CDH23: variants seen among roughly 807,000 people sequenced by gnomAD.
CDH23 encodes cadherin-23.
Under a neutral mutation model 317.1 loss-of-function variants are expected in CDH23, and 189 were observed. The observed-to-expected ratio is 0.60, with a 90% confidence interval of 0.53 to 0.67. The LOEUF (loss-of-function observed/expected upper bound fraction) is 0.67, where lower values mean the gene tolerates loss of function less well. CDH23 is among the 30% of genes least tolerant of loss of function. The probability of loss-of-function intolerance (pLI) is 0.00; values close to 1 mark genes in which losing one functional copy is unlikely to be tolerated. For missense variants in CDH23, 4,401 were observed against 4,592.4 expected (o/e 0.96, Z 1.20); for synonymous variants, 1,839 against 1,876.8 (o/e 0.98, Z 0.52).
At chr10:71,521,748 C>G (rs1019027905) in intron 6 of CDH23, among the ~76,000 whole-genome samples, 2 of 152,234 alleles carry the variant, frequency 1.3e-5, no homozygotes, top group African/African-American at 4.8e-5. Flanking sequence ...AGGGCCGGCC[C>G]CGGCTCTTCA....
intron 6 of CDH23, among the ~76,000 whole-genome samples, chr10:71,543,631 C>T (rs962659751): frequency 1.4e-4 from 21 of 152,356 alleles, no homozygotes; most frequent in Admixed American, 1.1e-3. Context: ...CCTCATGCTT[C>T]TCCTAGCCAC....
chr10:71,625,395 T>A (rs1028219660), intron 11 of CDH23, among the ~76,000 whole-genome samples: 3 of 21,002 alleles, frequency 1.4e-4, no homozygotes, highest in Admixed American at 4.6e-4. Context: ...ACCAAATAAA[T>A]TAAAAAAAAA....
In CDH23 at chr10:71,409,008, T is replaced by G. The variant is rs570043033; in HGVS notation, c.-6+11690T>G. Among the ~76,000 whole-genome samples, 108 of 152,324 alleles carry G rather than the reference T, an allele frequency of 7.1e-4. 2 individuals are homozygous for G. The highest frequency in any genetic ancestry group is 2.4e-3 in the African/African-American group (101 of 41,580). ...GCTGATGTAAGGGTGGGCTTTCTCT[T>G]GCACCCTGCCCCTTGGCCTGATCAC... On this transcript the variant is annotated intron_variant, in intron 1 of 69. Transcript: ENST00000224721.
At chr10:71,460,580 G>A (rs2132059291) in intron 3 of CDH23, among the ~76,000 whole-genome samples, 1 of 152,382 alleles carries the variant, frequency 6.6e-6, no homozygotes, top group Non-Finnish European at 1.5e-5. Context: ...GAAACCCTAT[G>A]TTGTAGATAA....
chr10:71,495,584 G>C (rs111765664), intron 3 of CDH23, among the ~76,000 whole-genome samples: 2,571 of 152,036 alleles, frequency 0.017, 59 homozygotes, highest in African/African-American at 0.053. Flanking sequence ...TGTAATCCCA[G>C]CACTTTGGGA....
At position 71,414,759 on chromosome 10, in the gene CDH23, T is replaced by G. The variant is rs570991180; in HGVS notation, c.-6+17441T>G. On this transcript the variant is annotated intron_variant, in intron 1 of 69. Coordinates refer to ENST00000224721, the MANE Select transcript of CDH23 (RefSeq NM_022124.6). Reference sequence around the variant, plus strand: ...TTTTTCTGTTTGTTTTCTGGAGGAGTGTGGATAAGATTTGTGTTATTTTTA... The same window carrying G: ...TTTTTCTGTTTGTTTTCTGGAGGAGGGTGGATAAGATTTGTGTTATTTTTA... Among the ~76,000 whole-genome samples the G allele has an allele frequency of 2.6e-5, 4 of 152,292 alleles. No individual in the cohort carries two copies. The East Asian group carries it at 7.7e-4, about 29-fold the overall frequency.
rs58963811 is a variant in CDH23 at position 71,793,856 on chromosome 10, C to T, written c.6712+216C>T. Among the ~76,000 whole-genome samples, 7,719 of 152,228 alleles carry T rather than the reference C, an allele frequency of 0.051. 504 individuals are homozygous for T. Among genetic ancestry groups the T allele is most frequent in the African/African-American group, 0.15 (6,364 of 41,486 alleles). On this transcript the variant is annotated intron_variant, in intron 48 of 69. Coordinates refer to ENST00000224721, the MANE Select transcript of CDH23 (RefSeq NM_022124.6). ...TTCCTCATCCTCCCTTGAGCAGCTC[C>T]TCTGGCCTTCCTGATTCCCTCGCCC...
intron 38 of CDH23, chr10:71,757,748 T>C (rs1439724697): frequency 6.6e-6 from 1 of 152,524 alleles, no homozygotes; most frequent in East Asian, 1.9e-4. Flanking sequence ...CGGGGATATA[T>C]GGAGGAGGGA....
Position 71,601,276 on chromosome 10 carries a change from T to G in CDH23, c.833-14228T>G, listed in dbSNP as rs1489871365. Among the ~76,000 whole-genome samples, 2 of 152,260 alleles carry G rather than the reference T, an allele frequency of 1.3e-5. 1 individual carries two copies. Among genetic ancestry groups the G allele is most frequent in the Admixed American group, 1.3e-4 (2 of 15,288 alleles). On this transcript the variant is annotated intron_variant, in intron 9 of 69. Transcript: ENST00000224721. ...TCAGTGCGACCACTTACAAGCCTTATGACTTTTTCACCTCTATCCTCAGTT... is the reference window on the plus strand; with the variant it reads ...TCAGTGCGACCACTTACAAGCCTTAGGACTTTTTCACCTCTATCCTCAGTT...
intron 24 of CDH23, among the ~76,000 whole-genome samples, chr10:71,703,098 A>AG (rs1256891702): frequency 6.6e-6 from 1 of 152,112 alleles, no homozygotes; most frequent in African/African-American, 2.4e-5. Context: ...ACTACAGTAG[A>AG]GGGGCCTCTG....
chr10:71,815,109 G>A lies in CDH23; in HGVS notation c.9896G>A (p.Ser3299Asn). The A allele has an allele frequency of 1.9e-6, 3 of 1,611,178 alleles. No individual in the cohort carries two copies. The highest frequency in any genetic ancestry group is 2.5e-6 in the Non-Finnish European group (3 of 1,179,102). The change falls in exon 70 of 70, where the codon AGC (serine) becomes AAC (asparagine). Residue 3299 changes from serine (S) to asparagine (N), a missense_variant. This residue lies in a region of CDH23 where 1,144 missense variants were observed against 1,138.2 expected (regional missense o/e 1.01). Transcript: ENST00000224721. ...TGTLLATDLN[S>N]LPEEDQKGLG... is the part of the protein sequence containing the mutation. ...ACGCTGCTGGCCACCGACCTCAACA[G>A]CCTGCCCGAGGAAGACCAGAAGGGC...
At chr10:71,454,502 CT>C (rs1850594623) in intron 3 of CDH23, among the ~76,000 whole-genome samples, 1 of 152,214 alleles carries the variant, frequency 6.6e-6, no homozygotes, top group Non-Finnish European at 1.5e-5. Flanking sequence ...ACAAAAGAAC[CT>C]AGACTGGAAA....
chr10:71,694,144 C>G lies in CDH23; in HGVS notation c.2177-3C>G. ...CTCACGCACCCACTTCTCTCTCTGGCAGGGGAAATCACCACCACGTCTCTG... is the reference window on the plus strand; with the variant it reads ...CTCACGCACCCACTTCTCTCTCTGGGAGGGGAAATCACCACCACGTCTCTG... On this transcript the variant is annotated splice_polypyrimidine_tract_variant and splice_region_variant and intron_variant, in intron 20 of 69. Coordinates refer to ENST00000224721, the MANE Select transcript of CDH23 (RefSeq NM_022124.6). The G allele has an allele frequency of 6.2e-7, 1 of 1,613,088 alleles. No individual in the cohort carries two copies. Among genetic ancestry groups the G allele is most frequent in the South Asian group, 1.1e-5 (1 of 91,032 alleles).
chr10:71,590,669 G>T (rs1243411157), intron 9 of CDH23, among the ~76,000 whole-genome samples: 3 of 152,128 alleles, frequency 2.0e-5, no homozygotes, highest in African/African-American at 4.8e-5. Flanking sequence ...CTTTGCAAAT[G>T]AGGATTTGAG....
chr10:71,668,507 C>A (rs548703062), intron 14 of CDH23, among the ~76,000 whole-genome samples: 1 of 152,166 alleles, frequency 6.6e-6, no homozygotes, highest in African/African-American at 2.4e-5. Context: ...CATGTTCTAG[C>A]GCTGTGACTG....
At chr10:71,707,287 G>T in intron 26 of CDH23, 3 of 1,435,528 alleles carry the variant, frequency 2.1e-6, no homozygotes, top group Non-Finnish European at 2.7e-6. Flanking sequence ...CCTGTTGGTT[G>T]CAGGGACGGG....
intron 38 of CDH23, among the ~76,000 whole-genome samples, chr10:71,769,836 C>G (rs2132908686): frequency 6.6e-6 from 1 of 152,336 alleles, no homozygotes; most frequent in South Asian, 2.1e-4. Context: ...CTGTCTTTGT[C>G]TTTGGTGATG....
At chr10:71,716,474 C>T in intron 28 of CDH23, 1 of 694,016 alleles carries the variant, frequency 1.4e-6, no homozygotes. Flanking sequence ...ATGGCCACAT[C>T]ACAGGTTAAG....
At chr10:71,740,086 A>T (rs1839692531) in intron 36 of CDH23, among the ~76,000 whole-genome samples, 1 of 152,178 alleles carries the variant, frequency 6.6e-6, no homozygotes, top group Admixed American at 6.5e-5. Flanking sequence ...CTACAAATAC[A>T]GTGTGGCCTT....
Sources: allele counts gnomAD v4.1 joint callset (sites outside exome capture counted in the v4.1 genomes callset), GRCh38; gene constraint gnomAD v4.1.1; regional missense constraint gnomAD v4.1.1; transcripts MANE v1.5; gene names NCBI Gene and HGNC (gene_info 2026-07-23, HGNC 2026-07-21).